FMN1: variants seen among roughly 807,000 people sequenced by gnomAD.
The protein encoded by FMN1 is formin-1.
A neutral mutation model predicts 132.4 loss-of-function variants in FMN1; 110 were observed. The observed-to-expected ratio is 0.83, with a 90% CI of 0.71 to 0.97. The LOEUF (loss-of-function observed/expected upper bound fraction) is 0.97. FMN1 is among the 50% of genes least tolerant of loss of function. The pLI, the probability that FMN1 is intolerant of heterozygous loss-of-function variation, is 0.00. For synonymous variants in FMN1, 722 were observed against 651.7 expected (o/e 1.11, Z -1.64); for missense variants, 1,792 against 1,705.3 (o/e 1.05, Z -0.90).
intron 9 of FMN1, among the ~76,000 whole-genome samples, chr15:32,962,031 C>G (rs113095886): frequency 1.3e-5 from 2 of 152,094 alleles, no homozygotes. Context: ...GTCGACCCTC[C>G]TTCCCCTGCA....
At chr15:32,905,442 G>A (rs1490245191) in intron 12 of FMN1, among the ~76,000 whole-genome samples, 3 of 152,182 alleles carry the variant, frequency 2.0e-5, no homozygotes, top group Admixed American at 1.3e-4. Flanking sequence ...TGTGTATAGT[G>A]TTCTCACCCT....
intron 2 of FMN1, among the ~76,000 whole-genome samples, chr15:33,187,216 G>T (rs922161621): frequency 2.0e-5 from 3 of 152,100 alleles, no homozygotes; most frequent in Non-Finnish European, 4.4e-5. Context: ...ACTAAGGCAG[G>T]TATTAGAATT....
intron 8 of FMN1, 87 bp downstream of exon 8, chr15:32,968,627 G>A (rs2031465843): frequency 6.3e-7 from 1 of 1,575,554 alleles, no homozygotes; most frequent in Middle Eastern, 1.7e-4. Flanking sequence ...GCTACACTAT[G>A]GAGATATTGA....
Position 32,899,961 on chromosome 15 carries a change from A to C in FMN1, c.3654+18T>G, listed in dbSNP as rs2060255862. On this transcript the variant is annotated intron_variant, in intron 14 of 20. Coordinates refer to ENST00000616417, the MANE Select transcript of FMN1 (RefSeq NM_001277313.2). The stretch of plus-strand genomic sequence containing the variant: ...AAATAATGGCAGATCATGGGAACTT[A>C]TTATGAAAAATAAATACCCGACTTT... The C allele has an allele frequency of 1.2e-6, 2 of 1,609,630 alleles. No homozygotes were observed. Among genetic ancestry groups the C allele is most frequent in the Non-Finnish European group, 1.7e-6 (2 of 1,178,468 alleles).
intron 6 of FMN1, among the ~76,000 whole-genome samples, chr15:33,021,589 G>A (rs2035419662): frequency 6.6e-6 from 1 of 152,010 alleles, no homozygotes; most frequent in Non-Finnish European, 1.5e-5. Flanking sequence ...ATATAAAAGA[G>A]GTACAAAAAG....
In FMN1 at chr15:33,049,644, T is replaced by C. The variant is rs115747637; in HGVS notation, c.2161+15313A>G. Among the ~76,000 whole-genome samples, 860 of 152,306 alleles carry C rather than the reference T, an allele frequency of 5.6e-3. 13 individuals are homozygous for C. Among genetic ancestry groups the C allele is most frequent in the African/African-American group, 0.02 (821 of 41,558 alleles). On this transcript the variant is annotated intron_variant, in intron 6 of 20. Coordinates refer to ENST00000616417, the MANE Select transcript of FMN1 (RefSeq NM_001277313.2). ...CATATTTAAGTTCAGCCTACAGGTT[T>C]TTCTATACATCGTGAACTATAACAA... is the stretch of plus-strand genomic sequence containing the variant.
chr15:33,094,251 G>A (rs935843273), intron 4 of FMN1, among the ~76,000 whole-genome samples: 1 of 152,150 alleles, frequency 6.6e-6, no homozygotes, highest in South Asian at 2.1e-4. Context: ...ATAAGAATAT[G>A]TCTGATATTG....
intron 4 of FMN1, among the ~76,000 whole-genome samples, chr15:33,118,109 A>T (rs2140158493): frequency 6.6e-6 from 1 of 152,312 alleles, no homozygotes; most frequent in East Asian, 1.9e-4. Flanking sequence ...ATGTAAATAC[A>T]TGTGCATGTA....
chr15:32,907,961 G>A (rs1477990022), intron 12 of FMN1, among the ~76,000 whole-genome samples: 1 of 152,108 alleles, frequency 6.6e-6, no homozygotes, highest in Non-Finnish European at 1.5e-5. Context: ...AACAGAGCAA[G>A]CAGCCATAGA....
intron 6 of FMN1, among the ~76,000 whole-genome samples, chr15:33,060,486 T>C (rs1248387050): frequency 6.6e-6 from 1 of 152,226 alleles, no homozygotes; most frequent in African/African-American, 2.4e-5. Flanking sequence ...GAATGGTTTA[T>C]TTCTCTATTT....
intron 17 of FMN1, among the ~76,000 whole-genome samples, chr15:32,808,581 C>A (rs28454347): frequency 6.6e-6 from 1 of 152,030 alleles, no homozygotes; most frequent in Admixed American, 6.5e-5. Flanking sequence ...ACTGGGTGAT[C>A]GTCAGAAAAT....
chr15:32,935,670 C>G (rs1435306247), intron 9 of FMN1, among the ~76,000 whole-genome samples: 5 of 152,066 alleles, frequency 3.3e-5, no homozygotes, highest in African/African-American at 1.2e-4. Flanking sequence ...CTCTGTCACC[C>G]AGGCTGGAGT....
At chr15:33,163,291 G>T (rs1048720062) in intron 3 of FMN1, among the ~76,000 whole-genome samples, 17 of 141,898 alleles carry the variant, frequency 1.2e-4, no homozygotes, top group Admixed American at 1.1e-3. Flanking sequence ...TTCTTGTCTT[G>T]TCTTTTCTTT....
chr15:33,027,933 C>T (rs11072131), intron 6 of FMN1, among the ~76,000 whole-genome samples: 1 of 140,174 alleles, frequency 7.1e-6, no homozygotes, highest in Non-Finnish European at 1.6e-5. Flanking sequence ...CATCTCACCA[C>T]CTGTGATCCC....
At position 32,771,030 on chromosome 15, in the gene FMN1, G is replaced by A. The variant is rs1467696095; in HGVS notation, c.*3280C>T. ...TCCCCAGTAAGCTGCCACTTATTGA[G>A]ATAAAAGCCATACAGCACACCTCCT... On this transcript the variant is annotated 3_prime_UTR_variant, in exon 21 of 21. Transcript: ENST00000616417. 6.6e-6 allele frequency: 1 copy of A among 151,194 alleles called. No individual in the cohort carries two copies. The highest frequency in any genetic ancestry group is 1.5e-5 in the Non-Finnish European group (1 of 67,904). The allele number at this position is 151,194 out of a possible 1,614,324, so 9.4% of individuals were successfully genotyped here.
intron 5 of FMN1, among the ~76,000 whole-genome samples, chr15:33,081,317 A>C (rs1268443765): frequency 6.6e-6 from 1 of 152,168 alleles, no homozygotes; most frequent in Non-Finnish European, 1.5e-5. Context: ...TATTTTTTAA[A>C]TGTTAAAAAA....
chr15:33,066,645 T>TG (rs1411312468), intron 5 of FMN1: 9 of 1,613,726 alleles, frequency 5.6e-6, no homozygotes, highest in Middle Eastern at 1.6e-4. Context: ...GTCCCCTTTC[T>TG]GGGGGGCCGG....
chr15:33,074,818 C>T (rs1015983807), intron 5 of FMN1, among the ~76,000 whole-genome samples: 2 of 151,830 alleles, frequency 1.3e-5, no homozygotes, highest in Admixed American at 1.3e-4. Flanking sequence ...GAGTTCAAGA[C>T]CAGCCTGGTC....
intron 4 of FMN1, among the ~76,000 whole-genome samples, chr15:33,109,382 T>C (rs1276875659): frequency 6.6e-6 from 1 of 151,866 alleles, no homozygotes; most frequent in Non-Finnish European, 1.5e-5. Flanking sequence ...GCTAAAAGAA[T>C]TGCAAGCCAA....
Sources: gnomAD v4.1 joint callset for allele counts (sites outside exome capture counted in the v4.1 genomes callset) on GRCh38, gnomAD v4.1.1 for gene constraint, MANE v1.5 for transcripts, NCBI Gene and HGNC (gene_info 2026-07-23, HGNC 2026-07-21) for gene names.